MAP3K20: variants seen among roughly 807,000 people sequenced by gnomAD.
MAP3K20 encodes mitogen-activated protein kinase kinase kinase 20, also known as HCCS-4.
MAP3K20 carries 40 observed loss-of-function variants against 85.7 expected under a neutral mutation model. The ratio of observed to expected loss-of-function variants is 0.47; its 90% confidence interval spans 0.36 to 0.61. The LOEUF (loss-of-function observed/expected upper bound fraction) is 0.61, where lower values mean the gene tolerates loss of function less well. Ranked by LOEUF, MAP3K20 falls within the 20% of genes least tolerant of loss-of-function variation. The probability of loss-of-function intolerance (pLI) is 0.00; values close to 1 mark genes in which losing one functional copy is unlikely to be tolerated. For synonymous variants in MAP3K20, 325 were observed against 327.7 expected, an observed-to-expected ratio of 0.99 and a Z score of 0.09; for missense variants, 817 against 961.7, an observed-to-expected ratio of 0.85 and a Z score of 1.99.
At chr2:173,162,557 G>T (rs1364908309) in intron 2 of MAP3K20, among the ~76,000 whole-genome samples, 1 of 151,904 alleles carries the variant, frequency 6.6e-6, no homozygotes, top group East Asian at 1.9e-4. Flanking sequence ...GTGGTGGTAG[G>T]CGCCTGTAAT....
chr2:173,088,758 C>T (rs374001064), intron 1 of MAP3K20, among the ~76,000 whole-genome samples: 7 of 152,152 alleles, frequency 4.6e-5, no homozygotes, highest in Non-Finnish European at 1.0e-4. Context: ...ACTCTATATA[C>T]CTACCCTTGG....
intron 12 of MAP3K20, among the ~76,000 whole-genome samples, chr2:173,230,958 T>C (rs1279610245): frequency 6.6e-6 from 1 of 152,156 alleles, no homozygotes; most frequent in Non-Finnish European, 1.5e-5. Flanking sequence ...ATCACACCAC[T>C]GTATTCCAGC....
At chr2:173,262,082 C>CA (rs1330168742) in intron 18 of MAP3K20, among the ~76,000 whole-genome samples, 2 of 151,838 alleles carry the variant, frequency 1.3e-5, no homozygotes, top group African/African-American at 4.8e-5. Flanking sequence ...AGAATAGGCT[C>CA]AGAGAGATGA....
At chr2:173,262,062 G>T (rs1574169012) in intron 18 of MAP3K20, among the ~76,000 whole-genome samples, 3 of 151,882 alleles carry the variant, frequency 2.0e-5, no homozygotes, top group African/African-American at 4.8e-5. Context: ...TCCTCATTTT[G>T]CAGATAGGAA....
At chr2:173,225,747 A>G in intron 11 of MAP3K20, 1 of 985,360 alleles carries the variant, frequency 1.0e-6, no homozygotes, top group Non-Finnish European at 1.2e-6. Context: ...TTTTAGAATT[A>G]CGGCAGCATA....
chr2:173,136,455 A>G (rs1339001599), intron 2 of MAP3K20, among the ~76,000 whole-genome samples: 1 of 152,192 alleles, frequency 6.6e-6, no homozygotes, highest in African/African-American at 2.4e-5. Flanking sequence ...TTAAATTGGC[A>G]TTTTGGATTG....
intron 2 of MAP3K20, among the ~76,000 whole-genome samples, chr2:173,134,414 A>ATTTTTTTTT (rs1290040694): frequency 4.9e-4 from 3 of 6,132 alleles, no homozygotes; most frequent in Admixed American, 1.8e-3. Context: ...ATATATATAT[A>ATTTTTTTTT]TATATATATA....
At chr2:173,152,555 C>T (rs1005437834) in intron 2 of MAP3K20, among the ~76,000 whole-genome samples, 5 of 152,150 alleles carry the variant, frequency 3.3e-5, no homozygotes, top group Non-Finnish European at 5.9e-5. Context: ...ATCGAATGCT[C>T]TTAAAGGAGC....
chr2:173,209,678 T>A (rs1413866933), intron 9 of MAP3K20, 51 bp from the exon 10 acceptor site: 1 of 1,487,050 alleles, frequency 6.7e-7, no homozygotes, highest in Non-Finnish European at 9.2e-7. Context: ...TTCTCTTAAA[T>A]ATCTCCTTTC....
At chr2:173,206,200 C>T (rs1166642129) in intron 9 of MAP3K20, among the ~76,000 whole-genome samples, 1 of 152,158 alleles carries the variant, frequency 6.6e-6, no homozygotes, top group Non-Finnish European at 1.5e-5. Flanking sequence ...TAATTGAGCA[C>T]TCAGTACCAC....
At chr2:173,258,644 T>TAAA in intron 16 of MAP3K20, 55 bp from the exon 17 acceptor site, 3 of 903,556 alleles carry the variant, frequency 3.3e-6, no homozygotes, top group East Asian at 3.0e-5. Flanking sequence ...ATATTGAGAC[T>TAAA]AAAAAAAAAA....
At chr2:173,249,597 C>T (rs951270759) in intron 16 of MAP3K20, among the ~76,000 whole-genome samples, 1 of 152,124 alleles carries the variant, frequency 6.6e-6, no homozygotes, top group Non-Finnish European at 1.5e-5. Context: ...CTGGATAAAA[C>T]TTTATTTGCA....
intron 2 of MAP3K20, among the ~76,000 whole-genome samples, chr2:173,136,866 T>A (rs1014925875): frequency 2.0e-5 from 3 of 152,232 alleles, no homozygotes; most frequent in Non-Finnish European, 2.9e-5. Context: ...TGATTCAGAT[T>A]TTATTAGGCA....
intron 16 of MAP3K20, among the ~76,000 whole-genome samples, chr2:173,257,268 C>G (rs559581833): frequency 6.6e-6 from 1 of 152,254 alleles, no homozygotes; most frequent in African/African-American, 2.4e-5. Flanking sequence ...ACCTATGTAA[C>G]CCAAACCTCT....
At chr2:173,209,465 A>T (rs1325484762) in intron 9 of MAP3K20, among the ~76,000 whole-genome samples, 2 of 152,232 alleles carry the variant, frequency 1.3e-5, no homozygotes, top group African/African-American at 4.8e-5. Context: ...TGGACAAAAA[A>T]CATGAATTAT....
rs139536360 is a variant in MAP3K20, at chr2:173,134,110, A to G, written c.160-35695A>G. On this transcript the variant is annotated intron_variant, in intron 2 of 19. Coordinates refer to ENST00000375213, the MANE Select transcript of MAP3K20 (RefSeq NM_016653.3). ...TTCTCAGTATGGGATTATTTTCTAC[A>G]TCATCTGGTAATCTGCATATTTTAA... Among the ~76,000 whole-genome samples, 481 of 151,220 alleles carry G rather than the reference A, an allele frequency of 3.2e-3. 2 individuals carry two copies. Among genetic ancestry groups the G allele is most frequent in the African/African-American group, 0.011 (461 of 41,242 alleles).
intron 3 of MAP3K20, among the ~76,000 whole-genome samples, chr2:173,181,568 A>T (rs1357636170): frequency 1.3e-5 from 2 of 152,198 alleles, no homozygotes; most frequent in East Asian, 3.8e-4. Context: ...ATATTTACAC[A>T]CATAGACATG....
intron 2 of MAP3K20, among the ~76,000 whole-genome samples, chr2:173,095,967 T>G (rs901628246): frequency 6.6e-6 from 1 of 152,244 alleles, no homozygotes; most frequent in African/African-American, 2.4e-5. Context: ...GTGAAAAATT[T>G]CAAACATAAA....
At chr2:173,136,045 T>C (rs1379328589) in intron 2 of MAP3K20, among the ~76,000 whole-genome samples, 2 of 152,226 alleles carry the variant, frequency 1.3e-5, no homozygotes. Flanking sequence ...ACCTGTGTGC[T>C]ACACTGACCA....
Sources: gnomAD v4.1 joint callset for allele counts (sites outside exome capture counted in the v4.1 genomes callset) on GRCh38, gnomAD v4.1.1 for gene constraint, MANE v1.5 for transcripts, NCBI Gene and HGNC (gene_info 2026-07-23, HGNC 2026-07-21) for gene names.